NRXN3: variants seen among roughly 807,000 people sequenced by gnomAD.
The protein encoded by NRXN3 is neurexin 3.
In NRXN3, 32 loss-of-function variants were observed where a neutral mutation model predicts 137.6. The ratio of observed to expected loss-of-function variants is 0.23; its 90% confidence interval spans 0.18 to 0.31. The LOEUF is 0.31. Among genes scored for constraint, NRXN3 ranks in the 10% least tolerant of loss-of-function variants. The probability of loss-of-function intolerance (pLI) is 1.00; values close to 1 mark genes in which losing one functional copy is unlikely to be tolerated. For missense variants in NRXN3, 1,574 were observed against 2,062.5 expected (o/e 0.76, Z 4.59); for synonymous variants, 798 against 784.5 (o/e 1.02, Z -0.29).
chr14:79,547,836 T>C (rs1288494941), intron 16 of NRXN3, among the ~76,000 whole-genome samples: 1 of 152,162 alleles, frequency 6.6e-6, no homozygotes, highest in Non-Finnish European at 1.5e-5. Context: ...AAAGAGTCTT[T>C]GATGGCCTAT....
chr14:78,944,770 G>A (rs31442), intron 10 of NRXN3, among the ~76,000 whole-genome samples: 8,131 of 152,136 alleles, frequency 0.053, 737 homozygotes, highest in African/African-American at 0.18. Context: ...ACATATTTTC[G>A]TTGAAAGCTA....
intron 15 of NRXN3, among the ~76,000 whole-genome samples, chr14:79,401,723 T>C (rs916344814): frequency 6.6e-6 from 1 of 152,096 alleles, no homozygotes; most frequent in Non-Finnish European, 1.5e-5. Flanking sequence ...CCAGGTGTTA[T>C]ATGACAGGAC....
chr14:79,030,635 C>CTTTTTTTTTTTTTTTTTTTTTG (rs2099606385), intron 15 of NRXN3, among the ~76,000 whole-genome samples: 1 of 54,236 alleles, frequency 1.8e-5, no homozygotes, highest in African/African-American at 7.2e-5. Flanking sequence ...TTCTCTGTGT[C>CTTTTTTTTTTTTTTTTTTTTTG]TTTTTTTTTT....
At chr14:78,215,973 T>TGGGG (rs2063234329) in intron 1 of NRXN3, among the ~76,000 whole-genome samples, 5 of 152,282 alleles carry the variant, frequency 3.3e-5, no homozygotes, top group Admixed American at 1.3e-4. Flanking sequence ...TGTGTAATGA[T>TGGGG]AACATGGGGA....
chr14:78,187,250 T>G (rs2060304862), intron 1 of NRXN3, among the ~76,000 whole-genome samples: 1 of 140,532 alleles, frequency 7.1e-6, no homozygotes, highest in Non-Finnish European at 1.6e-5. Flanking sequence ...AGAGATGTTT[T>G]GGTGGTGTGT....
intron 16 of NRXN3, among the ~76,000 whole-genome samples, chr14:79,627,073 C>T (rs556463230): frequency 1.3e-5 from 2 of 152,182 alleles, no homozygotes; most frequent in African/African-American, 2.4e-5. Context: ...TTAAAAGCAC[C>T]TCTCCCTTGG....
chr14:78,362,789 C>A (rs964479916), intron 4 of NRXN3, among the ~76,000 whole-genome samples: 1 of 152,022 alleles, frequency 6.6e-6, no homozygotes, highest in African/African-American at 2.4e-5. Context: ...CTTTTAAGAC[C>A]CTCTAAAATG....
intron 4 of NRXN3, among the ~76,000 whole-genome samples, chr14:78,476,539 A>T (rs1444555333): frequency 6.6e-6 from 1 of 152,160 alleles, no homozygotes; most frequent in African/African-American, 2.4e-5. Context: ...GAAGAGAAAT[A>T]ATTTTTTGTT....
intron 4 of NRXN3, among the ~76,000 whole-genome samples, chr14:78,415,156 T>G (rs2093058189): frequency 6.6e-6 from 1 of 152,190 alleles, no homozygotes; most frequent in African/African-American, 2.4e-5. Flanking sequence ...TCTCTATTCA[T>G]CCTCTCTATG....
intron 4 of NRXN3, among the ~76,000 whole-genome samples, chr14:78,441,054 C>T (rs1276378501): frequency 2.6e-5 from 4 of 152,112 alleles, no homozygotes; most frequent in Non-Finnish European, 4.4e-5. Context: ...AAGGCTGCAC[C>T]TCTCTGTGAA....
intron 17 of NRXN3, among the ~76,000 whole-genome samples, chr14:79,681,452 G>T (rs2098669780): frequency 6.6e-6 from 1 of 152,112 alleles, no homozygotes; most frequent in Non-Finnish European, 1.5e-5. Flanking sequence ...ATGGCCTCAT[G>T]TACCCCTCTG....
chr14:78,950,815 C>A (rs896488816), intron 10 of NRXN3, among the ~76,000 whole-genome samples: 1 of 152,156 alleles, frequency 6.6e-6, no homozygotes, highest in African/African-American at 2.4e-5. Flanking sequence ...TACGTCTCAG[C>A]AGCAGGAAGC....
chr14:79,857,174 A>C (rs893474916), intron 20 of NRXN3, among the ~76,000 whole-genome samples: 8 of 152,098 alleles, frequency 5.3e-5, no homozygotes, highest in Non-Finnish European at 1.2e-4. Context: ...ACTTTTGATT[A>C]AAATAAACAA....
chr14:78,594,688 A>G (rs961912577), intron 4 of NRXN3, among the ~76,000 whole-genome samples: 2 of 152,260 alleles, frequency 1.3e-5, no homozygotes, highest in South Asian at 2.1e-4. Flanking sequence ...GTCATTGGCA[A>G]TGTCCGCTAC....
chr14:79,234,312 AT>A (rs1441147095), intron 15 of NRXN3, among the ~76,000 whole-genome samples: 1 of 102,604 alleles, frequency 9.7e-6, no homozygotes, highest in African/African-American at 4.6e-5. Context: ...ATATATATAT[AT>A]ATATATATAT....
chr14:79,578,871 T>A (rs1416992806), intron 16 of NRXN3, among the ~76,000 whole-genome samples: 4 of 152,132 alleles, frequency 2.6e-5, no homozygotes, highest in Admixed American at 2.6e-4. Context: ...AGAATCTATA[T>A]GTACAGTGGC....
intron 3 of NRXN3, among the ~76,000 whole-genome samples, chr14:78,296,046 TTCTC>T (rs1017585383): frequency 9.2e-5 from 14 of 151,480 alleles, no homozygotes; most frequent in African/African-American, 1.7e-4. Context: ...TCTTTTTTTT[TTCTC>T]TCTCTCTGTC....
chr14:79,109,221 T>C (rs2053029355), intron 15 of NRXN3, among the ~76,000 whole-genome samples: 1 of 152,166 alleles, frequency 6.6e-6, no homozygotes, highest in South Asian at 2.1e-4. Flanking sequence ...GTCTATCCAT[T>C]AGCAGATTTA....
chr14:78,570,836 G>A (rs769571060), intron 4 of NRXN3, among the ~76,000 whole-genome samples: 4 of 152,184 alleles, frequency 2.6e-5, no homozygotes, highest in South Asian at 2.1e-4. Context: ...AAGTTTACCC[G>A]TATGAGTCTA....
Sources: allele counts gnomAD v4.1 joint callset (sites outside exome capture counted in the v4.1 genomes callset), GRCh38; gene constraint gnomAD v4.1.1; transcripts MANE v1.5; gene names NCBI Gene and HGNC (gene_info 2026-07-23, HGNC 2026-07-21).